Variants in RAB3GAP1 observed in about 807,000 individuals in gnomAD.
The protein encoded by RAB3GAP1 is rab3 GTPase-activating protein catalytic subunit.
In RAB3GAP1, 86 loss-of-function variants were observed where a neutral mutation model predicts 130.7. The ratio of observed to expected loss-of-function variants is 0.66; its 90% CI spans 0.55 to 0.79. The LOEUF is 0.79. Ranked by LOEUF, RAB3GAP1 falls within the 30% of genes least tolerant of loss-of-function variation. The pLI is 0.00. For synonymous variants in RAB3GAP1, 367 were observed against 401.7 expected (o/e 0.91, Z 1.03); for missense variants, 1,029 against 1,169.4 (o/e 0.88, Z 1.75).
intron 3 of RAB3GAP1, among the ~76,000 whole-genome samples, chr2:135,069,914 G>C (rs979800246): frequency 6.6e-6 from 1 of 152,148 alleles, no homozygotes. Context: ...TGAGGAATGG[G>C]AGCTTCTTTA....
intron 11 of RAB3GAP1, 111 bp from the exon 12 acceptor site, chr2:135,129,884 T>C (rs1691479766): frequency 1.3e-6 from 1 of 748,940 alleles, no homozygotes; most frequent in South Asian, 1.7e-5. Flanking sequence ...ATGGTTTTAC[T>C]TTCTACCATA....
intron 17 of RAB3GAP1, among the ~76,000 whole-genome samples, chr2:135,141,816 T>A (rs1441309664): frequency 6.6e-6 from 1 of 152,212 alleles, no homozygotes; most frequent in East Asian, 1.9e-4. Context: ...ATCTGCCTTT[T>A]CCCATTGAGT....
At chr2:135,111,915 A>G (rs1479386628) in intron 5 of RAB3GAP1, among the ~76,000 whole-genome samples, 1 of 152,244 alleles carries the variant, frequency 6.6e-6, no homozygotes, top group African/African-American at 2.4e-5. Flanking sequence ...AAATCCTTCC[A>G]TTAAAAATAA....
chr2:135,089,767 G>T, intron 3 of RAB3GAP1: 2 of 296,104 alleles, frequency 6.8e-6, no homozygotes, highest in Middle Eastern at 1.2e-3. Context: ...AAAAAAGGAT[G>T]AGTTCATGTC....
intron 7 of RAB3GAP1, among the ~76,000 whole-genome samples, chr2:135,117,531 G>GCTTCTT (rs1346321623): frequency 5.0e-5 from 1 of 20,006 alleles, no homozygotes; most frequent in Non-Finnish European, 1.1e-4. Context: ...TGCTTCTTCT[G>GCTTCTT]CTTCTTCTTC....
chr2:135,128,849 CTG>C (rs1437259523), intron 11 of RAB3GAP1, among the ~76,000 whole-genome samples: 1 of 152,190 alleles, frequency 6.6e-6, no homozygotes, highest in Non-Finnish European at 1.5e-5. Flanking sequence ...CGCTTTACCT[CTG>C]TTTATAATAT....
chr2:135,133,652 C>T, intron 14 of RAB3GAP1, among the ~76,000 whole-genome samples: 1 of 152,176 alleles, frequency 6.6e-6, no homozygotes. Context: ...TAAACTATAG[C>T]TTTATCTTTT....
Position 135,135,752 on chromosome 2 carries a change from C to A in RAB3GAP1, c.1743C>A (p.Ser581Arg), listed in dbSNP as rs200166273. The A allele has an allele frequency of 1.9e-6, 3 of 1,613,522 alleles. No homozygotes were observed. Among genetic ancestry groups the A allele is most frequent in the Non-Finnish European group, 2.5e-6 (3 of 1,179,876 alleles). The change falls in exon 17 of 24, where the codon AGC becomes AGA. Residue 581 changes from serine to arginine, a missense_variant. Ser to Arg is a moderately radical substitution (Grantham distance 110). Around this residue, in one of 3 missense-constraint regions of RAB3GAP1, gnomAD observed 373 missense variants for 493.6 expected, o/e 0.76. Transcript: ENST00000264158. ...AATCTTGGGATTCCTGGAGTGACAG[C>A]GAAGAAGAATTTTTTGAATGCCTAA... ...VGKSWDSWSD[S>R]EEEFFECLSD...
At chr2:135,101,292 C>G (rs952098295) in intron 5 of RAB3GAP1, among the ~76,000 whole-genome samples, 43 of 152,110 alleles carry the variant, frequency 2.8e-4, no homozygotes, top group African/African-American at 1.0e-3. Context: ...TGAAGAATAA[C>G]ATACACAGAA....
intron 22 of RAB3GAP1, 102 bp downstream of exon 22, chr2:135,163,203 A>G: frequency 1.2e-6 from 1 of 816,548 alleles, no homozygotes; most frequent in South Asian, 1.4e-5. Flanking sequence ...TGTGGTAATC[A>G]TATATTATTT....
chr2:135,120,147 T>G (rs1312514724), intron 7 of RAB3GAP1, among the ~76,000 whole-genome samples: 1 of 152,206 alleles, frequency 6.6e-6, no homozygotes. Flanking sequence ...TTTTACTTAT[T>G]TGAAAAATGA....
At chr2:135,096,610 G>A (rs1021100563) in intron 5 of RAB3GAP1, among the ~76,000 whole-genome samples, 2 of 152,134 alleles carry the variant, frequency 1.3e-5, no homozygotes, top group African/African-American at 4.8e-5. Context: ...TAGTATCAGA[G>A]CATGAGCTTT....
chr2:135,138,694 G>T (rs1271953153), intron 17 of RAB3GAP1, among the ~76,000 whole-genome samples: 1 of 150,288 alleles, frequency 6.7e-6, no homozygotes, highest in African/African-American at 2.5e-5. Context: ...CTGCAGCCTT[G>T]ACTTGCTGGG....
intron 5 of RAB3GAP1, among the ~76,000 whole-genome samples, chr2:135,099,134 G>A (rs944632338): frequency 6.6e-6 from 1 of 151,928 alleles, no homozygotes; most frequent in African/African-American, 2.4e-5. Context: ...ACAGCATTTA[G>A]TCTTTTACTG....
intron 3 of RAB3GAP1, among the ~76,000 whole-genome samples, chr2:135,071,361 A>G (rs968259127): frequency 6.6e-6 from 1 of 152,186 alleles, no homozygotes; most frequent in Non-Finnish European, 1.5e-5. Flanking sequence ...AAAATATTTG[A>G]ATGGATGGTA....
At chr2:135,065,430 G>T (rs1689291312) in intron 3 of RAB3GAP1, among the ~76,000 whole-genome samples, 1 of 152,120 alleles carries the variant, frequency 6.6e-6, no homozygotes. Flanking sequence ...TGCAGAAGCA[G>T]ATATGAGAAT....
chr2:135,055,105 A>G (rs1234617489), intron 2 of RAB3GAP1, among the ~76,000 whole-genome samples: 5 of 152,224 alleles, frequency 3.3e-5, no homozygotes, highest in African/African-American at 1.2e-4. Flanking sequence ...CTTTTACTAA[A>G]TGTGCAGTCT....
chr2:135,094,393 G>A (rs61675823), intron 5 of RAB3GAP1, among the ~76,000 whole-genome samples: 1 of 151,816 alleles, frequency 6.6e-6, no homozygotes, highest in East Asian at 1.9e-4. Context: ...CCAATTAAAC[G>A]TTCCAATTCC....
chr2:135,079,472 G>A (rs1190756929), intron 3 of RAB3GAP1, among the ~76,000 whole-genome samples: 3 of 152,116 alleles, frequency 2.0e-5, no homozygotes, highest in African/African-American at 7.2e-5. Context: ...AGGGTAGTCT[G>A]AACTAGGACT....
Sources: gnomAD v4.1 joint callset for allele counts (sites outside exome capture counted in the v4.1 genomes callset) on GRCh38, gnomAD v4.1.1 for gene constraint, gnomAD v4.1.1 regional missense constraint, MANE v1.5 for transcripts, NCBI Gene and HGNC (gene_info 2026-07-23, HGNC 2026-07-21) for gene names.